Variants in SPDYE3 observed in about 807,000 individuals in gnomAD.
SPDYE3 encodes speedy/RINGO cell cycle regulator family member E3.
A neutral mutation model predicts 55.0 loss-of-function variants in SPDYE3; 15 were observed. The observed-to-expected ratio is 0.27, with a 90% CI of 0.18 to 0.42. The LOEUF (loss-of-function observed/expected upper bound fraction) is 0.42. Among genes scored for constraint, SPDYE3 ranks in the 10% least tolerant of loss-of-function variants. SPDYE3 has a pLI of 1.00. For synonymous variants in SPDYE3, 89 were observed against 229.9 expected, an observed-to-expected ratio of 0.39 and a Z score of 5.55; for missense variants, 236 against 576.7, an observed-to-expected ratio of 0.41 and a Z score of 6.05.
intron 2 of SPDYE3, among the ~76,000 whole-genome samples, chr7:100,309,789 G>A (rs1278890672): frequency 6.8e-6 from 1 of 146,854 alleles, no homozygotes; most frequent in Non-Finnish European, 1.5e-5. Context: ...TGGGGAGGGT[G>A]TGTGGGAAGA....
intron 4 of SPDYE3, among the ~76,000 whole-genome samples, chr7:100,312,496 C>CAAA (rs1211047563): frequency 1.8e-5 from 1 of 54,464 alleles, no homozygotes. Context: ...GACGCTGTCT[C>CAAA]AAAAAAAAAA....
chr7:100,320,923 G>A lies in SPDYE3; in HGVS notation c.*78G>A. On this transcript the variant is annotated 3_prime_UTR_variant, in exon 11 of 11. Transcript: ENST00000332397. ...GACCCAGGGGAGATGTGGATTTTCAGCAGGAACTTTATTCCAGTGCTAATG... is the reference window on the plus strand; with the variant it reads ...GACCCAGGGGAGATGTGGATTTTCAACAGGAACTTTATTCCAGTGCTAATG... The A allele has an allele frequency of 4.1e-6, 5 of 1,233,530 alleles. No homozygotes were observed. Among genetic ancestry groups the A allele is most frequent in the Non-Finnish European group, 5.5e-6 (5 of 914,824 alleles). The allele number at this position is 1,233,530 out of a possible 1,614,324, so 76.4% of individuals were successfully genotyped here. A position where few individuals can be genotyped will look rare whatever the true frequency, so the allele number is the denominator to read the frequency against.
At chr7:100,309,720 C>CAA (rs543681985) in intron 2 of SPDYE3, among the ~76,000 whole-genome samples, 5 of 47,438 alleles carry the variant, frequency 1.1e-4, no homozygotes, top group South Asian at 7.0e-4. Context: ...GACGCTGTCT[C>CAA]AAAAAAAAAA....
chr7:100,318,375 T>C (rs1789488232), intron 8 of SPDYE3, among the ~76,000 whole-genome samples: 1 of 152,050 alleles, frequency 6.6e-6, no homozygotes, highest in African/African-American at 2.4e-5. Flanking sequence ...AATTCCACCC[T>C]CTCTACAATC....
Position 100,314,354 on chromosome 7 carries a change from A to G in SPDYE3, c.983-178A>G, listed in dbSNP as rs528409746. 59 of 502,842 alleles carry G rather than the reference A, an allele frequency of 1.2e-4. 3 individuals are homozygous for G. Among genetic ancestry groups the G allele is most frequent in the African/African-American group, 1.1e-3 (49 of 45,156 alleles). 31.1% of individuals were successfully genotyped at this position (502,842 alleles called of 1,614,324 possible). A position where few individuals can be genotyped will look rare whatever the true frequency, so the allele number is the denominator to read the frequency against. The stretch of plus-strand genomic sequence containing the variant: ...GTTCTGAGGACAGAGAGAGGGAAGA[A>G]TGGGGAGGGGAAGGAGTGGCACATG... On this transcript the variant is annotated intron_variant, in intron 5 of 10. Coordinates refer to ENST00000332397, the MANE Select transcript of SPDYE3 (RefSeq NM_001004351.5).
intron 10 of SPDYE3, 49 bp from the exon 11 acceptor site, chr7:100,320,842 T>C (rs1169065943): frequency 7.7e-6 from 9 of 1,168,640 alleles, no homozygotes; most frequent in Non-Finnish European, 6.9e-6. Flanking sequence ...AACCTTCCTG[T>C]CTAGAGAGCT....
Position 100,319,659 on chromosome 7 carries a change from C to T in SPDYE3, c.1441C>T (p.Arg481Cys), listed in dbSNP as rs763064256. The T allele has an allele frequency of 7.4e-6, 12 of 1,614,118 alleles. No individual in the cohort carries two copies. The highest frequency in any genetic ancestry group is 2.7e-5 in the African/African-American group (2 of 74,942). The change falls in exon 9 of 11, where the codon CGC (arginine) becomes TGC (cysteine). Residue 481 changes from arginine to cysteine, a missense_variant. Transcript: ENST00000332397. Reference protein sequence around the residue: ...YGKTHSHIPLRPKHWFQLCRP... With the variant: ...YGKTHSHIPLCPKHWFQLCRP... ...GAAGACCCACTCTCACATACCCTTG[C>T]GCCCTAAGCATTGGTTCCAGTTATG...
intron 10 of SPDYE3, chr7:100,320,290 C>T (rs1296615754): frequency 1.8e-6 from 2 of 1,092,532 alleles, no homozygotes; most frequent in African/African-American, 3.2e-5. Flanking sequence ...TGCACTCCAG[C>T]CGGGGCGACA....
intron 4 of SPDYE3, among the ~76,000 whole-genome samples, chr7:100,312,564 A>G (rs1584997597): frequency 7.4e-6 from 1 of 134,340 alleles, no homozygotes; most frequent in South Asian, 2.4e-4. Context: ...GAACCTGGGG[A>G]GGGTGTGTGG....
At chr7:100,315,673 C>T (rs1188065422) in intron 6 of SPDYE3, 112 bp from the exon 7 acceptor site, 60 of 1,548,040 alleles carry the variant, frequency 3.9e-5, no homozygotes, top group Non-Finnish European at 5.1e-5. Context: ...ACCTCACCCG[C>T]GGCCACAATC....
intron 7 of SPDYE3, among the ~76,000 whole-genome samples, chr7:100,316,703 G>C (rs1806112989): frequency 6.6e-6 from 1 of 152,046 alleles, no homozygotes; most frequent in African/African-American, 2.4e-5. Context: ...CTGAGCCCTA[G>C]GCCACCGTCT....
intron 1 of SPDYE3, 49 bp from the exon 2 acceptor site, chr7:100,308,924 AC>A (rs1805894356): frequency 1.2e-5 from 7 of 592,242 alleles, no homozygotes; most frequent in Non-Finnish European, 2.1e-5. Context: ...TCGGGGTCTA[AC>A]GTGATCAGTT....
At chr7:100,313,058 G>T (rs1446099234) in intron 4 of SPDYE3, 82 bp from the exon 5 acceptor site, 7 of 546,632 alleles carry the variant, frequency 1.3e-5, no homozygotes, top group Non-Finnish European at 6.6e-6. Flanking sequence ...GGGGAGGATG[G>T]AGAGTGGTTT....
In SPDYE3 at chr7:100,309,432, C is replaced by T. The variant is rs890682133; in HGVS notation, c.325+240C>T. On this transcript the variant is annotated intron_variant, in intron 2 of 10. Coordinates refer to ENST00000332397, the MANE Select transcript of SPDYE3 (RefSeq NM_001004351.5). ...GTTTTGGGCCAGGCGCTGTGGCTCC[C>T]GCCTGAGATCCCAGCACGTTGGGAG... Among the ~76,000 whole-genome samples, 131 of 129,074 alleles carry T rather than the reference C, an allele frequency of 1.0e-3. 14 individuals carry two copies. Among genetic ancestry groups the T allele is most frequent in the Non-Finnish European group, 1.4e-3 (83 of 58,348 alleles). The allele number at this position is 129,074 out of a possible 152,430, so 84.7% of individuals were successfully genotyped here. A position where few individuals can be genotyped will look rare whatever the true frequency, so the allele number is the denominator to read the frequency against.
intron 7 of SPDYE3, 35 bp downstream of exon 7, chr7:100,315,878 C>G: frequency 6.3e-7 from 1 of 1,598,782 alleles, no homozygotes; most frequent in South Asian, 1.1e-5. Context: ...TGTTCCTGTT[C>G]TAACGCACGG....
chr7:100,315,385 C>T (rs1806077382), intron 6 of SPDYE3, among the ~76,000 whole-genome samples: 1 of 152,178 alleles, frequency 6.6e-6, no homozygotes, highest in Non-Finnish European at 1.5e-5. Flanking sequence ...ATGTTTCTTA[C>T]TGACTTTTCT....
chr7:100,312,411 C>T (rs1241588557), intron 4 of SPDYE3, among the ~76,000 whole-genome samples: 4 of 142,432 alleles, frequency 2.8e-5, no homozygotes, highest in Non-Finnish European at 6.1e-5. Flanking sequence ...ACAGGAGAAT[C>T]GCTTGAGCCT....
chr7:100,319,074 C>A (rs1789512382), intron 8 of SPDYE3, among the ~76,000 whole-genome samples: 1 of 151,902 alleles, frequency 6.6e-6, no homozygotes, highest in Non-Finnish European at 1.5e-5. Flanking sequence ...CCGCACCAGG[C>A]TGATTTTTGT....
chr7:100,311,344 G>A (rs1805950733), intron 3 of SPDYE3, among the ~76,000 whole-genome samples: 1 of 118,592 alleles, frequency 8.4e-6, no homozygotes. Context: ...AATTGAGCTG[G>A]GCATTATGGC....
Sources: allele counts gnomAD v4.1 joint callset (sites outside exome capture counted in the v4.1 genomes callset), GRCh38; gene constraint gnomAD v4.1.1; transcripts MANE v1.5; gene names NCBI Gene and HGNC (gene_info 2026-07-23, HGNC 2026-07-21).